Variants in WDR26 observed in about 807,000 individuals in gnomAD.
WDR26 encodes the protein WD repeat-containing protein 26.
In WDR26, 5 loss-of-function variants were observed where a neutral mutation model predicts 84.1. The observed-to-expected ratio is 0.06, with a 90% confidence interval of 0.03 to 0.13. The LOEUF is 0.13. Ranked by LOEUF, WDR26 falls within the 10% of genes least tolerant of loss-of-function variation. The pLI is 1.00. For synonymous variants in WDR26, 415 were observed against 389.6 expected, an observed-to-expected ratio of 1.07 and a Z score of -0.77; for missense variants, 642 against 974.9, an observed-to-expected ratio of 0.66 and a Z score of 4.55.
chr1:224,418,296 T>C lies in WDR26; in HGVS notation c.1283A>G (p.Asp428Gly). 4 of 1,613,424 alleles carry C rather than the reference T, an allele frequency of 2.5e-6. No homozygotes were observed. The highest frequency in any genetic ancestry group is 3.4e-6 in the Non-Finnish European group (4 of 1,179,682). Residue 428 changes from aspartate to glycine, a missense_variant, in exon 6 of 14, where the codon GAT becomes GGT. This residue lies in a region of WDR26 where 351 missense variants were observed against 672.8 expected (regional missense o/e 0.52). Transcript: ENST00000414423. ...ATGGTCTATAAGCAGAGACACAGAA[T>C]CTAGATTATTATCAAGTTTGGTATT...
At chr1:224,412,321 C>A (rs1673762298) in intron 6 of WDR26, among the ~76,000 whole-genome samples, 1 of 152,196 alleles carries the variant, frequency 6.6e-6, no homozygotes, top group African/African-American at 2.4e-5. Flanking sequence ...GAGCAGTAGT[C>A]TGACAGACTT....
chr1:224,410,314 G>GAA (rs1466542820), intron 7 of WDR26, among the ~76,000 whole-genome samples: 11 of 146,826 alleles, frequency 7.5e-5, no homozygotes, highest in African/African-American at 2.7e-4. Flanking sequence ...GAAAAGAAAA[G>GAA]AAAAGAAAAG....
intron 3 of WDR26, among the ~76,000 whole-genome samples, chr1:224,425,829 TA>T (rs1371198906): frequency 1.3e-5 from 2 of 152,152 alleles, no homozygotes; most frequent in Non-Finnish European, 2.9e-5. Flanking sequence ...AATTAAAACT[TA>T]AAGTACAATT....
chr1:224,416,958 G>A (rs1459923343), intron 6 of WDR26, among the ~76,000 whole-genome samples: 1 of 152,062 alleles, frequency 6.6e-6, no homozygotes, highest in Non-Finnish European at 1.5e-5. Context: ...AAAAGGGATA[G>A]GGGAAAAAAT....
intron 5 of WDR26, among the ~76,000 whole-genome samples, chr1:224,418,908 G>A (rs1160248492): frequency 6.6e-6 from 1 of 152,164 alleles, no homozygotes; most frequent in Non-Finnish European, 1.5e-5. Flanking sequence ...AAGATACTGT[G>A]TGAATTCAGG....
Position 224,411,961 on chromosome 1 carries a change from C to G in WDR26, c.1320-396G>C, listed in dbSNP as rs979331642. ...AGGCTGCAGTGAGTTATGACTGCAC[C>G]ACTGCACTCCAGCCTGGGTGATGGA... On this transcript the variant is annotated intron_variant, in intron 6 of 13. Transcript: ENST00000414423. Among the ~76,000 whole-genome samples, 5 of 151,998 alleles carry G rather than the reference C, an allele frequency of 3.3e-5. No homozygotes were observed. The South Asian group carries it at 1.0e-3, about 32-fold the overall frequency.
intron 13 of WDR26, among the ~76,000 whole-genome samples, chr1:224,392,418 T>C (rs1159397136): frequency 6.6e-6 from 1 of 152,072 alleles, no homozygotes; most frequent in African/African-American, 2.4e-5. Flanking sequence ...ACATACCTAG[T>C]ATTTTCCTAC....
At chr1:224,400,003 G>T (rs1299859280) in intron 9 of WDR26, among the ~76,000 whole-genome samples, 7 of 152,050 alleles carry the variant, frequency 4.6e-5, no homozygotes, top group Non-Finnish European at 1.0e-4. Context: ...ATGTGGACGT[G>T]CATACTGGGA....
rs1274617955 is a variant in WDR26, at chr1:224,388,778, C to T, written c.*1057G>A. Reference sequence around the variant, plus strand: ...TTCCAAAGTGGTTGTATCGCTGATTCCTACTCTTTTGCTAGATCACACCAA... The same window carrying T: ...TTCCAAAGTGGTTGTATCGCTGATTTCTACTCTTTTGCTAGATCACACCAA... On this transcript the variant is annotated 3_prime_UTR_variant, in exon 14 of 14. Transcript: ENST00000414423. The T allele has an allele frequency of 6.6e-6, 1 of 152,572 alleles. No individual in the cohort carries two copies. The highest frequency in any genetic ancestry group is 1.5e-5 in the Non-Finnish European group (1 of 68,026). 9.5% of individuals were successfully genotyped at this position (152,572 alleles called of 1,614,324 possible).
At chr1:224,419,864 T>C (rs190741642) in intron 4 of WDR26, among the ~76,000 whole-genome samples, 10 of 76,304 alleles carry the variant, frequency 1.3e-4, no homozygotes, top group Admixed American at 1.2e-3. Flanking sequence ...ATTATATATA[T>C]GGCTCTTATT....
intron 5 of WDR26, 193 bp downstream of exon 5, chr1:224,419,325 C>G: frequency 1.9e-6 from 1 of 540,518 alleles, no homozygotes; most frequent in Non-Finnish European, 3.3e-6. Context: ...TGCTCTGGAA[C>G]CAGTGCCCTT....
rs1267728543 is a variant in WDR26 at position 224,433,974 on chromosome 1, G to C, written c.432C>G (p.Pro144=). 1.3e-6 allele frequency: 2 copies of C among 1,530,090 alleles called. No individual in the cohort carries two copies. The highest frequency in any genetic ancestry group is 2.0e-5 in the Admixed American group (1 of 50,770). The allele number at this position is 1,530,090 out of a possible 1,614,324, so 94.8% of individuals were successfully genotyped here. ...GGTCCCCCGCGGACGACGACGACGA[G>C]GGGGACGACTCCCCGTTCTGGGCCG... Residue 144 remains proline, a synonymous_variant, in exon 1 of 14, where the codon CCC becomes CCG. Transcript: ENST00000414423.
chr1:224,415,145 A>C (rs1236402179), intron 6 of WDR26, among the ~76,000 whole-genome samples: 1 of 152,242 alleles, frequency 6.6e-6, no homozygotes, highest in Non-Finnish European at 1.5e-5. Flanking sequence ...AGTGACTTTA[A>C]AATCTCTACA....
Position 224,398,041 on chromosome 1 carries a change from T to C in WDR26, c.2074+56A>G, listed in dbSNP as rs932560938. Reference sequence around the variant, plus strand: ...TTGGAGACATGACTGCCTTCATAAATTGAGATTTACAGACTTTAATATCAA... The same window carrying C: ...TTGGAGACATGACTGCCTTCATAAACTGAGATTTACAGACTTTAATATCAA... On this transcript the variant is annotated intron_variant, in intron 12 of 13. Coordinates refer to ENST00000414423, the MANE Select transcript of WDR26 (RefSeq NM_001379403.1). 9.5e-6 allele frequency: 15 copies of C among 1,577,488 alleles called. No homozygotes were observed. The Admixed American group carries it at 1.2e-4, about 13-fold the overall frequency.
intron 8 of WDR26, among the ~76,000 whole-genome samples, chr1:224,402,279 C>G (rs1334694366): frequency 2.0e-5 from 3 of 152,178 alleles, no homozygotes; most frequent in Non-Finnish European, 2.9e-5. Context: ...TTGTTAACTA[C>G]TCTCCCCTAT....
chr1:224,405,503 T>A (rs1673526721), intron 7 of WDR26, among the ~76,000 whole-genome samples: 1 of 152,228 alleles, frequency 6.6e-6, no homozygotes, highest in Non-Finnish European at 1.5e-5. Flanking sequence ...CAAACTGTTT[T>A]CCAAGTGGTT....
Position 224,418,299 on chromosome 1 carries a change from A to G in WDR26, c.1280T>C (p.Leu427Pro). The G allele has an allele frequency of 6.2e-7, 1 of 1,613,434 alleles. No homozygotes were observed. Among genetic ancestry groups the G allele is most frequent in the Non-Finnish European group, 8.5e-7 (1 of 1,179,670 alleles). The stretch of plus-strand genomic sequence containing the variant: ...GTCTATAAGCAGAGACACAGAATCT[A>G]GATTATTATCAAGTTTGGTATTGTG... The change falls in exon 6 of 14, where the codon CTA becomes CCA. Residue 427 changes from leucine (L) to proline (P), a missense_variant. Transcript: ENST00000414423.
chr1:224,417,341 C>T (rs1340207982), intron 6 of WDR26, among the ~76,000 whole-genome samples: 1 of 152,202 alleles, frequency 6.6e-6, no homozygotes, highest in Admixed American at 6.5e-5. Flanking sequence ...TTTGGTTCAC[C>T]AGATTCAAAT....
intron 1 of WDR26, 116 bp from the exon 2 acceptor site, chr1:224,431,897 G>A: frequency 2.8e-6 from 2 of 723,164 alleles, no homozygotes; most frequent in Non-Finnish European, 2.0e-6. Flanking sequence ...TCATGATGAA[G>A]AAAAAAATAG....
Sources: allele counts gnomAD v4.1 joint callset (sites outside exome capture counted in the v4.1 genomes callset), GRCh38; gene constraint gnomAD v4.1.1; regional missense constraint gnomAD v4.1.1; transcripts MANE v1.5; gene names NCBI Gene and HGNC (gene_info 2026-07-23, HGNC 2026-07-21).